The following UBE3C variants were observed in gnomAD, a reference collection of about 807,000 sequenced individuals.
The protein encoded by UBE3C is ubiquitin-protein ligase E3C.
Under a neutral mutation model 129.4 loss-of-function variants are expected in UBE3C, and 42 were observed. The observed-to-expected ratio is 0.32, with a 90% CI of 0.25 to 0.42. The LOEUF (loss-of-function observed/expected upper bound fraction) is 0.42. Among genes scored for constraint, UBE3C ranks in the 10% least tolerant of loss-of-function variants. The pLI, the probability that UBE3C is intolerant of heterozygous loss-of-function variation, is 1.00. For missense variants in UBE3C, 1,049 were observed against 1,319.1 expected (o/e 0.80, Z 3.17); for synonymous variants, 510 against 492.4 (o/e 1.04, Z -0.47).
intron 11 of UBE3C, among the ~76,000 whole-genome samples, chr7:157,205,188 G>A (rs765592986): frequency 1.1e-4 from 17 of 152,190 alleles, no homozygotes; most frequent in African/African-American, 2.4e-4. Context: ...CCTGTGTCTC[G>A]TTTGTGCCCT....
intron 1 of UBE3C, among the ~76,000 whole-genome samples, chr7:157,139,577 G>A (rs1201392522): frequency 6.6e-6 from 1 of 152,344 alleles, no homozygotes; most frequent in East Asian, 1.9e-4. Flanking sequence ...GCTTAGGACT[G>A]GACTCGGGGC....
chr7:157,193,276 A>G (rs1049956909), intron 10 of UBE3C, among the ~76,000 whole-genome samples: 4 of 123,816 alleles, frequency 3.2e-5, no homozygotes, highest in Admixed American at 3.1e-4. Flanking sequence ...ATTTTTTTAA[A>G]AAGAAAAATT....
intron 1 of UBE3C, among the ~76,000 whole-genome samples, chr7:157,141,020 C>A (rs1807431109): frequency 6.6e-6 from 1 of 152,166 alleles, no homozygotes; most frequent in Non-Finnish European, 1.5e-5. Context: ...CCCCATCTCA[C>A]CAGGAGCATG....
rs187757812 is a variant in UBE3C at position 157,233,334 on chromosome 7, A to G, written c.2481+2007A>G. On this transcript the variant is annotated intron_variant, in intron 18 of 22. Transcript: ENST00000348165. ...TGAAACAGGTCTTTCTCTGCCACCTAGGCTGGAGTGCACTGCTACAAACAC... is the reference window on the plus strand; with the variant it reads ...TGAAACAGGTCTTTCTCTGCCACCTGGGCTGGAGTGCACTGCTACAAACAC... Among the ~76,000 whole-genome samples the G allele has an allele frequency of 2.6e-5, 4 of 152,274 alleles. No individual in the cohort carries two copies. The East Asian group carries it at 7.7e-4, about 29-fold the overall frequency.
intron 14 of UBE3C, 159 bp from the exon 15 acceptor site, chr7:157,220,530 C>A: frequency 4.9e-6 from 3 of 614,974 alleles, no homozygotes; most frequent in South Asian, 6.3e-5. Context: ...GAGAGAGGAC[C>A]TGAAAAGGTA....
At chr7:157,223,780 C>T (rs900050056) in intron 16 of UBE3C, among the ~76,000 whole-genome samples, 6 of 152,048 alleles carry the variant, frequency 3.9e-5, no homozygotes, top group African/African-American at 9.6e-5. Context: ...GTTAGTTGGG[C>T]GTGGTGGCAT....
intron 10 of UBE3C, chr7:157,192,596 TA>T: frequency 1.3e-6 from 1 of 765,464 alleles, no homozygotes; most frequent in Non-Finnish European, 2.4e-6. Context: ...GTGGTGGTGC[TA>T]AGAAAAGGAA....
In UBE3C at chr7:157,223,235, G is replaced by A. The variant is rs776592943; in HGVS notation, c.2003-19G>A. The stretch of plus-strand genomic sequence containing the variant: ...GGAAAGTACAAGTGAACTAATTAAG[G>A]TTTTAAAATGTGTTTTAGTGGGTTT... On this transcript the variant is annotated intron_variant, in intron 15 of 22. Coordinates refer to ENST00000348165, the MANE Select transcript of UBE3C (RefSeq NM_014671.3). 1 of 1,613,150 alleles carries A rather than the reference G, an allele frequency of 6.2e-7. No homozygotes were observed. The highest frequency in any genetic ancestry group is 1.3e-5 in the African/African-American group (1 of 75,018).
At position 157,186,843 on chromosome 7, in the gene UBE3C, A is replaced by C. The variant is rs1375845813; in HGVS notation, c.1153A>C (p.Arg385=). 5 of 1,614,198 alleles carry C rather than the reference A, an allele frequency of 3.1e-6. No individual in the cohort carries two copies. The Admixed American group carries it at 8.3e-5, about 27-fold the overall frequency. The change falls in exon 10 of 23, where the codon AGA becomes CGA. Residue 385 remains arginine (R), a synonymous_variant. Transcript: ENST00000348165. ...TTCTGGTATGTTCTAGGAGGATGGC[A>C]GACTGTCAGTATCATACATAACAGA... is the stretch of plus-strand genomic sequence containing the variant. ...ADKPSSPEDG[R]LSVSYITEEC... is the part of the protein sequence containing the mutation.
At chr7:157,207,620 A>G in intron 12 of UBE3C, 65 bp downstream of exon 12, 2 of 1,587,786 alleles carry the variant, frequency 1.3e-6, no homozygotes, top group Non-Finnish European at 1.7e-6. Context: ...TAGACAGTAG[A>G]AAAGTTTTAA....
At chr7:157,202,585 A>T (rs10259021) in intron 11 of UBE3C, among the ~76,000 whole-genome samples, 5 of 152,178 alleles carry the variant, frequency 3.3e-5, no homozygotes, top group Middle Eastern at 3.4e-3. Flanking sequence ...TAAACCTGGA[A>T]GGCGGAGGTT....
intron 22 of UBE3C, among the ~76,000 whole-genome samples, chr7:157,258,155 C>T (rs961079006): frequency 3.9e-5 from 6 of 152,054 alleles, no homozygotes; most frequent in African/African-American, 1.2e-4. Context: ...CTGTATTCCC[C>T]AGGCTGGCCT....
At chr7:157,194,058 T>C (rs1466581051) in intron 10 of UBE3C, among the ~76,000 whole-genome samples, 2 of 152,240 alleles carry the variant, frequency 1.3e-5, no homozygotes, top group Non-Finnish European at 2.9e-5. Flanking sequence ...GTTTTGTTAA[T>C]CCAAAACAGG....
intron 14 of UBE3C, 26 bp downstream of exon 14, chr7:157,216,997 T>C (rs759968260): frequency 3.3e-6 from 5 of 1,530,166 alleles, no homozygotes; most frequent in East Asian, 4.6e-5. Context: ...CTTTTTAATA[T>C]TTATCATTAA....
chr7:157,176,007 C>A (rs1449630908), intron 5 of UBE3C, among the ~76,000 whole-genome samples: 1 of 152,096 alleles, frequency 6.6e-6, no homozygotes, highest in African/African-American at 2.4e-5. Flanking sequence ...AACAGCCGTA[C>A]AAAAAACAGC....
At chr7:157,187,649 C>T (rs1408875625) in intron 10 of UBE3C, among the ~76,000 whole-genome samples, 1 of 151,572 alleles carries the variant, frequency 6.6e-6, no homozygotes, top group Admixed American at 6.6e-5. Context: ...GATCTCGGCT[C>T]ACTGTAGGCT....
intron 14 of UBE3C, among the ~76,000 whole-genome samples, chr7:157,219,746 A>G (rs1048141284): frequency 2.0e-5 from 3 of 152,184 alleles, no homozygotes; most frequent in African/African-American, 7.2e-5. Context: ...TAAAAATACA[A>G]AAGTTAGCCA....
At chr7:157,157,435 G>A (rs1226178338) in intron 1 of UBE3C, among the ~76,000 whole-genome samples, 2 of 149,910 alleles carry the variant, frequency 1.3e-5, no homozygotes, top group African/African-American at 5.1e-5. Flanking sequence ...GATTCAAACT[G>A]TGGAAACATA....
At chr7:157,145,769 T>C (rs1313382161) in intron 1 of UBE3C, among the ~76,000 whole-genome samples, 1 of 152,222 alleles carries the variant, frequency 6.6e-6, no homozygotes, top group Non-Finnish European at 1.5e-5. Flanking sequence ...AAGCTTTTTT[T>C]TTAGAGTGGT....
Sources: allele counts gnomAD v4.1 joint callset (sites outside exome capture counted in the v4.1 genomes callset), GRCh38; gene constraint gnomAD v4.1.1; transcripts MANE v1.5; gene names NCBI Gene and HGNC (gene_info 2026-07-23, HGNC 2026-07-21).